The following TDRD12 variants were observed in gnomAD, a reference collection of about 807,000 sequenced individuals.
TDRD12 encodes putative ATP-dependent RNA helicase TDRD12.
Under a neutral mutation model 133.5 loss-of-function variants are expected in TDRD12, and 158 were observed. The ratio of observed to expected loss-of-function variants is 1.18; its 90% CI spans 1.04 to 1.35. TDRD12 has a LOEUF of 1.35. Ranked by LOEUF, TDRD12 falls within the 40% of genes most tolerant of loss-of-function variation. The pLI, the probability that TDRD12 is intolerant of heterozygous loss-of-function variation, is 0.00. For synonymous variants in TDRD12, 460 were observed against 477.9 expected (o/e 0.96, Z 0.49); for missense variants, 1,443 against 1,321.3 (o/e 1.09, Z -1.43).
chr19:32,810,157 A>G, exon 23 of TDRD12: 3 of 1,535,090 alleles, frequency 2.0e-6, no homozygotes, highest in Non-Finnish European at 2.6e-6. Context: ...AAACACATGG[A>G]TCTTTATGCA....
chr19:32,825,688 C>A (rs1967566021), downstream of TDRD12, among the ~76,000 whole-genome samples: 1 of 152,140 alleles, frequency 6.6e-6, no homozygotes, highest in South Asian at 2.1e-4. This position sits in a 1 kb window ranked among gnomAD's most constrained non-coding sequence, Gnocchi z 4.1. Flanking sequence ...CCGAGACCAG[C>A]CTGACCAACA....
intron 11 of TDRD12, among the ~76,000 whole-genome samples, chr19:32,787,882 CT>C (rs1275686601): frequency 6.6e-6 from 1 of 152,164 alleles, no homozygotes; most frequent in Non-Finnish European, 1.5e-5. Flanking sequence ...AACCTTTCCC[CT>C]TGTGCTTCCC....
At chr19:32,739,518 CTGCATCTCCTGGGGCTCTCTT>C (rs1278580115) in intron 3 of TDRD12, among the ~76,000 whole-genome samples, 3 of 147,444 alleles carry the variant, frequency 2.0e-5, no homozygotes, top group Non-Finnish European at 3.0e-5. Flanking sequence ...TGGCTGCTCT[CTGCATCTCCTGGGGCTCTCTT>C]TGCATCTCCT....
intron 22 of TDRD12, among the ~76,000 whole-genome samples, chr19:32,809,367 G>C (rs1200634893): frequency 1.3e-5 from 2 of 152,138 alleles, no homozygotes; most frequent in African/African-American, 2.4e-5. Context: ...AGAGCTCTCT[G>C]TTCTCAGGTC....
intron 1 of TDRD12, among the ~76,000 whole-genome samples, chr19:32,729,778 C>CTTTTT (rs1162347194): frequency 0.044 from 3,261 of 74,146 alleles, 50 homozygotes; most frequent in African/African-American, 0.059. Context: ...TTTTCTTTTT[C>CTTTTT]TTTTTTTTTT....
intron 22 of TDRD12, among the ~76,000 whole-genome samples, chr19:32,809,290 G>A (rs1047425045): frequency 2.0e-5 from 3 of 152,212 alleles, no homozygotes; most frequent in South Asian, 2.1e-4. Context: ...GGAGGCAGGT[G>A]AAGCCTTCCA....
intron 8 of TDRD12, among the ~76,000 whole-genome samples, chr19:32,765,307 C>G (rs1453248978): frequency 1.3e-5 from 2 of 152,168 alleles, no homozygotes; most frequent in Admixed American, 1.3e-4. Flanking sequence ...TAAACTAGTT[C>G]AACCATTGTG....
chr19:32,744,499 C>CAAAAAA lies in TDRD12; in HGVS notation c.440+1619_440+1624dup, dbSNP rs10644749. On this transcript the variant is annotated intron_variant, in intron 4 of 27. Coordinates refer to ENST00000444215, the Ensembl canonical transcript of TDRD12. ...TGGGTGACAGAGTGAGACTCCGTCT[C>CAAAAAA]AAAAAAAAAAAAAAAAAAAAAAAAA... 8.1e-4 allele frequency among the ~76,000 whole-genome samples: 31 copies of CAAAAAA among 38,088 alleles called. 1 individual carries two copies. Among genetic ancestry groups the CAAAAAA allele is most frequent in the African/African-American group, 8.3e-4 (8 of 9,620 alleles). 25.0% of individuals were successfully genotyped at this position (38,088 alleles called of 152,430 possible). A position where few individuals can be genotyped will look rare whatever the true frequency, so the allele number is the denominator to read the frequency against.
chr19:32,815,657 T>C, intron 26 of TDRD12, 37 bp downstream of exon 26: 1 of 1,503,878 alleles, frequency 6.6e-7, no homozygotes, highest in African/African-American at 1.4e-5. Flanking sequence ...GAAGAGTTGT[T>C]TTTTGGAAAT....
At chr19:32,811,353 C>G in exon 24 of TDRD12, 5 of 1,536,120 alleles carry the variant, frequency 3.3e-6, no homozygotes, top group Non-Finnish European at 4.4e-6. Flanking sequence ...ACACTTCCCC[C>G]GCAGGCTGTG....
rs1318577843 is a variant in TDRD12 at position 32,803,065 on chromosome 19, A to G, written c.2475A>G (p.Ala825=). 2.6e-6 allele frequency: 4 copies of G among 1,535,958 alleles called. No individual in the cohort carries two copies. The Admixed American group carries it at 5.9e-5, about 23-fold the overall frequency. ...CCGCAGAGCTGTACGAGTTCACCGC[A>G]GGAGTTCTGGAAGCCAAAGAAGATA... The change falls in exon 21 of 28, where the codon GCA becomes GCG. Residue 825 remains alanine, a synonymous_variant. Coordinates refer to ENST00000444215, the Ensembl canonical transcript of TDRD12.
intron 6 of TDRD12, among the ~76,000 whole-genome samples, chr19:32,751,311 C>T (rs931593304): frequency 2.0e-5 from 3 of 152,064 alleles, no homozygotes; most frequent in Non-Finnish European, 2.9e-5. Flanking sequence ...GCATGGTATT[C>T]CATGGTGTGT....
In TDRD12 at chr19:32,794,789, C is replaced by T. The variant is rs1347630042; in HGVS notation, c.1449C>T (p.Tyr483=). The T allele has an allele frequency of 2.0e-5, 14 of 703,216 alleles. No individual in the cohort carries two copies. In the African/African-American group the frequency reaches 2.4e-4, roughly 12 times the overall value. The allele number at this position is 703,216 out of a possible 1,614,324, so 43.6% of individuals were successfully genotyped here. ...CAGTTTTGCAAACAGGAGCCTGCTA[C>T]AAGTCATTACCAAGTAGAAATGGAG... The change falls in exon 14 of 28, where the codon TAC becomes TAT. Residue 483 remains tyrosine (Y), a synonymous_variant. Transcript: ENST00000444215.
intron 8 of TDRD12, among the ~76,000 whole-genome samples, chr19:32,766,365 C>T (rs1471068544): frequency 6.6e-6 from 1 of 152,146 alleles, no homozygotes; most frequent in East Asian, 1.9e-4. Flanking sequence ...TTATTGTTTG[C>T]ATTACAAACA....
chr19:32,758,202 G>A lies in TDRD12; in HGVS notation c.865+1072G>A, dbSNP rs11669214. 8.6e-3 allele frequency among the ~76,000 whole-genome samples: 1,313 copies of A among 152,292 alleles called. 41 individuals are homozygous for A. The East Asian group carries it at 0.1, about 12-fold the overall frequency. ...TGGGCAGAGAAGAATTTTATGGAGCGATGGAATAGCTCTCAGTGTAACCTC... is the reference window on the plus strand; with the variant it reads ...TGGGCAGAGAAGAATTTTATGGAGCAATGGAATAGCTCTCAGTGTAACCTC... On this transcript the variant is annotated intron_variant, in intron 8 of 27. Coordinates refer to ENST00000444215, the Ensembl canonical transcript of TDRD12.
rs535676102 is a variant in TDRD12 at position 32,772,719 on chromosome 19, G to A, written c.866-34G>A. On this transcript the variant is annotated intron_variant, in intron 8 of 27. Coordinates refer to ENST00000444215, the Ensembl canonical transcript of TDRD12. The stretch of plus-strand genomic sequence containing the variant: ...TATTTTCTATTAATATCACTTTTTG[G>A]TGTAGCTTTTTTATTACCATTTTTA... 20 of 1,269,922 alleles carry A rather than the reference G, an allele frequency of 1.6e-5. No homozygotes were observed. In the Middle Eastern group the frequency reaches 2.1e-3, roughly 132 times the overall value. 78.7% of individuals were successfully genotyped at this position (1,269,922 alleles called of 1,614,324 possible).
chr19:32,817,503 A>T (rs1967221020), intron 26 of TDRD12, among the ~76,000 whole-genome samples: 1 of 151,822 alleles, frequency 6.6e-6, no homozygotes, highest in African/African-American at 2.4e-5. Context: ...TTCTCCATTC[A>T]TCTTCCTGCG....
At chr19:32,761,330 C>T (rs1039328575) in intron 8 of TDRD12, among the ~76,000 whole-genome samples, 6 of 152,074 alleles carry the variant, frequency 3.9e-5, no homozygotes, top group Non-Finnish European at 7.4e-5. Flanking sequence ...CGGGGTTTCA[C>T]CGTGTTAGCC....
chr19:32,726,458 GCTTTCT>G (rs1229329615), intron 1 of TDRD12, among the ~76,000 whole-genome samples: 1 of 152,116 alleles, frequency 6.6e-6, no homozygotes, highest in Admixed American at 6.6e-5. Flanking sequence ...CTGAAACTCT[GCTTTCT>G]CTATGAATTT....
Sources: allele counts gnomAD v4.1 joint callset (sites outside exome capture counted in the v4.1 genomes callset), GRCh38; gene constraint gnomAD v4.1.1; non-coding constraint Gnocchi (gnomAD v3.1); transcripts MANE v1.5; gene names NCBI Gene and HGNC (gene_info 2026-07-23, HGNC 2026-07-21).